SDF4: variants seen among roughly 807,000 people sequenced by gnomAD.
SDF4 encodes the protein stromal cell derived factor 4, also known as 45 kDa calcium-binding protein.
A neutral mutation model predicts 34.2 loss-of-function variants in SDF4; 22 were observed. The ratio of observed to expected loss-of-function variants is 0.64; its 90% CI spans 0.46 to 0.92. The LOEUF is 0.92. SDF4 is among the 40% of genes least tolerant of loss of function. The pLI, the probability that SDF4 is intolerant of heterozygous loss-of-function variation, is 0.00. For synonymous variants in SDF4, 236 were observed against 203.1 expected (o/e 1.16, Z -1.38); for missense variants, 447 against 499.9 (o/e 0.89, Z 1.01).
chr1:1,217,490 G>GC lies in SDF4; in HGVS notation c.*21_*22insG. 1.3e-6 allele frequency: 2 copies of GC among 1,506,094 alleles called. No individual in the cohort carries two copies. The highest frequency in any genetic ancestry group is 2.8e-5 in the African/African-American group (2 of 70,986). The allele number at this position is 1,506,094 out of a possible 1,614,324, so 93.3% of individuals were successfully genotyped here. Reference sequence around the variant, plus strand: ...GCCGCCCCGGTGGTGCGTGGGGGGCGGCGCGGGGCGCGGCCGGGCGCTCAA... The same window carrying GC: ...GCCGCCCCGGTGGTGCGTGGGGGGCGCGCGCGGGGCGCGGCCGGGCGCTCAA... On this transcript the variant is annotated 3_prime_UTR_variant, in exon 7 of 7. Coordinates refer to ENST00000360001, the MANE Select transcript of SDF4 (RefSeq NM_016176.6). The surrounding 1 kb of genome is among the most constrained non-coding windows in gnomAD (Gnocchi z 8.5).
Position 1,219,309 on chromosome 1 carries a change from T to C in SDF4, c.557-382A>G, listed in dbSNP as rs952844035. On this transcript the variant is annotated intron_variant, in intron 4 of 6. Transcript: ENST00000360001. ...GGACCCCCCACACAGCCCAGACCTC[T>C]CAAGACATGATCCAGAACCTCCCCA... is the stretch of plus-strand genomic sequence containing the variant. 5.3e-6 allele frequency: 6 copies of C among 1,129,642 alleles called. No individual in the cohort carries two copies. The East Asian group carries it at 4.5e-4, about 84-fold the overall frequency. 70.0% of individuals were successfully genotyped at this position (1,129,642 alleles called of 1,614,324 possible). A position where few individuals can be genotyped will look rare whatever the true frequency, so the allele number is the denominator to read the frequency against.
At position 1,218,836 on chromosome 1, in the gene SDF4, C is replaced by T. The variant is rs771187951; in HGVS notation, c.648G>A (p.Ser216=). 88 of 1,601,508 alleles carry T rather than the reference C, an allele frequency of 5.5e-5. No homozygotes were observed. The highest frequency in any genetic ancestry group is 8.0e-5 in the African/African-American group (6 of 74,698). ...DLLLTEEEFL[S]FLHPEHSRGM... ...CCCGGCTGTGCTCGGGGTGGAGGAA[C>T]GACAGGAACTCCTCCTCCGTCAGCA... is the stretch of plus-strand genomic sequence containing the variant. The change falls in exon 5 of 7, where the codon TCG becomes TCA. Residue 216 remains serine (S), a synonymous_variant. Coordinates refer to ENST00000360001, the MANE Select transcript of SDF4 (RefSeq NM_016176.6). This position sits in a 1 kb window ranked among gnomAD's most constrained non-coding sequence, Gnocchi z 7.9.
At position 1,217,509 on chromosome 1, in the gene SDF4, C is replaced by A. The variant is rs755727430; in HGVS notation, c.*3G>T. 4.4e-6 allele frequency: 7 copies of A among 1,576,156 alleles called. No individual in the cohort carries two copies. Among genetic ancestry groups the A allele is most frequent in the African/African-American group, 2.7e-5 (2 of 73,278 alleles). ...GGGGGCGGCGCGGGGCGCGGCCGGG[C>A]GCTCAAAACTCCTCGTGCACGCTGC... On this transcript the variant is annotated 3_prime_UTR_variant, in exon 7 of 7. Transcript: ENST00000360001. This position sits in a 1 kb window ranked among gnomAD's most constrained non-coding sequence, Gnocchi z 8.5.
At chr1:1,220,576 C>T (rs376670969) in intron 4 of SDF4, 19 of 1,282,534 alleles carry the variant, frequency 1.5e-5, no homozygotes, top group East Asian at 5.6e-5. Flanking sequence ...GAGGCCAAGA[C>T]GGATCGGACA....
chr1:1,223,630 T>G (rs998832184), intron 3 of SDF4, among the ~76,000 whole-genome samples: 1 of 152,106 alleles, frequency 6.6e-6, no homozygotes, highest in Non-Finnish European at 1.5e-5. Context: ...GCCCAGTGCT[T>G]GGCACACACA....
rs576978200 is a variant in SDF4 at position 1,222,250 on chromosome 1, C to T, written c.556+994G>A. The stretch of plus-strand genomic sequence containing the variant: ...GAGCCCCAGGGTGGCAGCAACGCCA[C>T]GGTACCCGCTCAGCTGTGCCTCACA... On this transcript the variant is annotated intron_variant, in intron 4 of 6. Transcript: ENST00000360001. Among the ~76,000 whole-genome samples the T allele has an allele frequency of 1.1e-4, 16 of 152,358 alleles. No individual in the cohort carries two copies. In the South Asian group the frequency reaches 2.1e-3, roughly 20 times the overall value.
At position 1,218,877 on chromosome 1, in the gene SDF4, G is replaced by A. The variant is rs1299698863; in HGVS notation, c.607C>T (p.Pro203Ser). The change falls in exon 5 of 7, where the codon CCC becomes TCC. Residue 203 changes from proline to serine, a missense_variant. Transcript: ENST00000360001. The surrounding 1 kb of genome is among the most constrained non-coding windows in gnomAD (Gnocchi z 7.9). ...LKDRWYQADSPPADLLLTEEE... is the reference protein window; with the variant it reads ...LKDRWYQADSSPADLLLTEEE... ...TCCGTCAGCAGCAGGTCTGCAGGGGGGCTGTCCGCCTGGTACCAGCGGTCC... is the reference window on the plus strand; with the variant it reads ...TCCGTCAGCAGCAGGTCTGCAGGGGAGCTGTCCGCCTGGTACCAGCGGTCC... 3 of 1,598,220 alleles carry A rather than the reference G, an allele frequency of 1.9e-6. No individual in the cohort carries two copies. Among genetic ancestry groups the A allele is most frequent in the South Asian group, 1.1e-5 (1 of 89,686 alleles).
At chr1:1,226,501 G>A (rs142017092) in intron 2 of SDF4, among the ~76,000 whole-genome samples, 3 of 152,330 alleles carry the variant, frequency 2.0e-5, no homozygotes, top group East Asian at 1.9e-4. Flanking sequence ...TCACAAAAAC[G>A]GGAGAGTCTG....
At chr1:1,228,443 A>G (rs1638380844) in intron 2 of SDF4, 25 bp downstream of exon 2, 1 of 1,576,594 alleles carries the variant, frequency 6.3e-7, no homozygotes, top group Non-Finnish European at 8.6e-7. Flanking sequence ...ACAGCCCCCC[A>G]GTCTGGGCAC....
intron 3 of SDF4, 58 bp downstream of exon 3, chr1:1,223,774 G>A: frequency 1.8e-6 from 2 of 1,126,936 alleles, no homozygotes; most frequent in Non-Finnish European, 2.5e-6. Flanking sequence ...ACCAGGCAAG[G>A]CCCATGGCCC....
chr1:1,225,749 T>C (rs370635626), intron 2 of SDF4, among the ~76,000 whole-genome samples: 45 of 118,282 alleles, frequency 3.8e-4, no homozygotes, highest in African/African-American at 1.5e-3. Context: ...ACACTCCACA[T>C]GCCACAGACA....
intron 4 of SDF4, chr1:1,220,342 C>G: frequency 9.0e-7 from 1 of 1,106,506 alleles, no homozygotes; most frequent in Non-Finnish European, 1.1e-6. Context: ...GCCTGCCACG[C>G]CTTCACCGCG....
Position 1,223,360 on chromosome 1 carries a change from G to GCTCTTCCAGGTCAC in SDF4, c.443-4_443-3insGTGACCTGGAAGAG. ...ATACTCGTCCCAAGACACGTGACCT[G>GCTCTTCCAGGTCAC]GAAGAGCAGATCACACCTGTCAGGG... On this transcript the variant is annotated splice_region_variant and splice_polypyrimidine_tract_variant and intron_variant, in intron 3 of 6. Transcript: ENST00000360001. The GCTCTTCCAGGTCAC allele has an allele frequency of 6.2e-7, 1 of 1,600,554 alleles. No individual in the cohort carries two copies. Among genetic ancestry groups the GCTCTTCCAGGTCAC allele is most frequent in the Non-Finnish European group, 8.5e-7 (1 of 1,170,004 alleles).
chr1:1,218,645 G>A lies in SDF4; in HGVS notation c.716-12C>T, dbSNP rs202201531. ...GTCACCGTCCTGGTCTGCGAGACGG[G>A]AATGGGTCAGCCCACACCCAGGCTG... On this transcript the variant is annotated splice_polypyrimidine_tract_variant and intron_variant, in intron 5 of 6. Transcript: ENST00000360001. This position sits in a 1 kb window ranked among gnomAD's most constrained non-coding sequence, Gnocchi z 7.9. 5.2e-4 allele frequency: 845 copies of A among 1,613,632 alleles called. 9 individuals are homozygous for A. Among genetic ancestry groups the A allele is most frequent in the Middle Eastern group, 9.9e-4 (6 of 6,062 alleles).
rs371413931 is a variant in SDF4 at position 1,218,745 on chromosome 1, C to T, written c.715+24G>A. On this transcript the variant is annotated intron_variant, in intron 5 of 6. Transcript: ENST00000360001. This position sits in a 1 kb window ranked among gnomAD's most constrained non-coding sequence, Gnocchi z 7.9. ...CAGTCGGTCCTGGGTCCTGGCGTGC[C>T]GGCCAGGCTGGACCCAGCCTCACCC... is the stretch of plus-strand genomic sequence containing the variant. The T allele has an allele frequency of 1.5e-4, 242 of 1,612,222 alleles. 1 individual carries two copies. In the African/African-American group the frequency reaches 1.5e-3, roughly 10 times the overall value.
rs759948652 is a variant in SDF4, at chr1:1,223,971, G to C, written c.306-3C>G. The C allele has an allele frequency of 5.0e-6, 8 of 1,609,720 alleles. No homozygotes were observed. The highest frequency in any genetic ancestry group is 6.8e-6 in the Non-Finnish European group (8 of 1,179,760). On this transcript the variant is annotated splice_polypyrimidine_tract_variant and splice_region_variant and intron_variant, in intron 2 of 6. Transcript: ENST00000360001. ...TCCGGTCAGTGTTCACATCCACCCT[G>C]CAAGACAGCAAATGGGCAGGTGGCC...
intron 1 of SDF4, among the ~76,000 whole-genome samples, chr1:1,230,350 T>C (rs1276095396): frequency 6.6e-6 from 1 of 152,044 alleles, no homozygotes; most frequent in Non-Finnish European, 1.5e-5. Flanking sequence ...GAAACACCAG[T>C]GGGGCCGCCA....
intron 1 of SDF4, among the ~76,000 whole-genome samples, chr1:1,230,605 C>G (rs1242791121): frequency 6.6e-6 from 1 of 152,134 alleles, no homozygotes; most frequent in Non-Finnish European, 1.5e-5. Context: ...GGATTACAGG[C>G]ACCCACCTCC....
chr1:1,219,249 CCA>C, intron 4 of SDF4: 12 of 1,200,280 alleles, frequency 1.0e-5, no homozygotes, highest in Non-Finnish European at 1.3e-5. Flanking sequence ...CCCTGACTCC[CCA>C]CAGACACAGC....
Sources: allele counts gnomAD v4.1 joint callset (sites outside exome capture counted in the v4.1 genomes callset), GRCh38; gene constraint gnomAD v4.1.1; non-coding constraint Gnocchi (gnomAD v3.1); transcripts MANE v1.5; gene names NCBI Gene and HGNC (gene_info 2026-07-23, HGNC 2026-07-21).